SBF2: variants seen among roughly 807,000 people sequenced by gnomAD.
The protein encoded by SBF2 is SET binding factor 2.
Under a neutral mutation model 225.2 loss-of-function variants are expected in SBF2, and 112 were observed. The ratio of observed to expected loss-of-function variants is 0.50; its 90% CI spans 0.43 to 0.58. The LOEUF (loss-of-function observed/expected upper bound fraction) is 0.58. Ranked by LOEUF, SBF2 falls within the 20% of genes least tolerant of loss-of-function variation. SBF2 has a pLI of 0.00. For synonymous variants in SBF2, 763 were observed against 773.3 expected, an observed-to-expected ratio of 0.99 and a Z score of 0.22; for missense variants, 1,996 against 2,206.2, an observed-to-expected ratio of 0.90 and a Z score of 1.91.
intron 16 of SBF2, among the ~76,000 whole-genome samples, chr11:9,932,412 A>G (rs937129727): frequency 6.6e-6 from 1 of 152,246 alleles, no homozygotes; most frequent in African/African-American, 2.4e-5. Flanking sequence ...AGGGAAGCCC[A>G]TCAGACTAAC....
chr11:10,197,704 T>C (rs1957429156), intron 1 of SBF2, among the ~76,000 whole-genome samples: 1 of 152,246 alleles, frequency 6.6e-6, no homozygotes, highest in Admixed American at 6.5e-5. Flanking sequence ...ACAGCACAAC[T>C]TCTCTCAAAA....
chr11:9,804,231 A>G (rs1476275808), intron 32 of SBF2, among the ~76,000 whole-genome samples: 1 of 152,196 alleles, frequency 6.6e-6, no homozygotes, highest in East Asian at 1.9e-4. Flanking sequence ...CATGGAAAAA[A>G]CGAAAAGCCT....
chr11:10,236,757 CAGACTCG>C (rs1269799177), intron 1 of SBF2, among the ~76,000 whole-genome samples: 1 of 152,158 alleles, frequency 6.6e-6, no homozygotes, highest in African/African-American at 2.4e-5. Flanking sequence ...TCACCACGCC[CAGACTCG>C]AGTCTGTCTC....
At chr11:9,879,655 T>C (rs1490051690) in intron 17 of SBF2, among the ~76,000 whole-genome samples, 1 of 152,206 alleles carries the variant, frequency 6.6e-6, no homozygotes, top group African/African-American at 2.4e-5. Context: ...CTGTCTTTCA[T>C]TCAACAAATA....
At chr11:10,065,201 G>A (rs896447315) in intron 2 of SBF2, among the ~76,000 whole-genome samples, 6 of 151,972 alleles carry the variant, frequency 3.9e-5, no homozygotes, top group African/African-American at 1.4e-4. Flanking sequence ...AAGAAAAAAT[G>A]GAAATTATTC....
intron 17 of SBF2, among the ~76,000 whole-genome samples, chr11:9,864,950 C>T (rs1369780843): frequency 6.6e-6 from 1 of 151,644 alleles, no homozygotes; most frequent in African/African-American, 2.4e-5. Flanking sequence ...TCACCTGCTG[C>T]CCAGGCTACA....
intron 2 of SBF2, among the ~76,000 whole-genome samples, chr11:10,079,838 A>G (rs1261742994): frequency 1.3e-5 from 2 of 152,182 alleles, no homozygotes; most frequent in Non-Finnish European, 2.9e-5. Flanking sequence ...TAAAATCAGC[A>G]AGAGTAAAGC....
intron 1 of SBF2, among the ~76,000 whole-genome samples, chr11:10,220,895 T>C (rs1318995679): frequency 6.6e-6 from 1 of 152,160 alleles, no homozygotes; most frequent in Non-Finnish European, 1.5e-5. Flanking sequence ...GAAAGCCCTT[T>C]ATTTAATTCC....
At chr11:9,908,648 T>C (rs1862312901) in intron 16 of SBF2, among the ~76,000 whole-genome samples, 1 of 151,580 alleles carries the variant, frequency 6.6e-6, no homozygotes, top group South Asian at 2.1e-4. Context: ...GTCTTATCTT[T>C]ATTTAAATTT....
At chr11:10,249,713 CCATA>C (rs1367246462) in intron 1 of SBF2, among the ~76,000 whole-genome samples, 1 of 147,354 alleles carries the variant, frequency 6.8e-6, no homozygotes, top group African/African-American at 2.5e-5. Context: ...ATGGGGGAGT[CCATA>C]GCATTGGAAT....
intron 6 of SBF2, among the ~76,000 whole-genome samples, chr11:10,020,386 T>G (rs1321906192): frequency 2.0e-5 from 3 of 152,118 alleles, no homozygotes; most frequent in African/African-American, 7.2e-5. Flanking sequence ...CCACTGTGTA[T>G]GCAGAGAGCC....
At chr11:10,086,915 C>T (rs1391587807) in intron 2 of SBF2, among the ~76,000 whole-genome samples, 1 of 152,120 alleles carries the variant, frequency 6.6e-6, no homozygotes, top group Non-Finnish European at 1.5e-5. Context: ...GAATTAAGAC[C>T]ACCCTCCAAA....
chr11:9,929,647 T>C (rs779083798), intron 16 of SBF2, among the ~76,000 whole-genome samples: 1 of 152,182 alleles, frequency 6.6e-6, no homozygotes, highest in East Asian at 1.9e-4. Context: ...TGACAATGCA[T>C]GTCACACAAC....
At chr11:9,814,832 A>G (rs1854370196) in intron 29 of SBF2, among the ~76,000 whole-genome samples, 1 of 152,146 alleles carries the variant, frequency 6.6e-6, no homozygotes, top group African/African-American at 2.4e-5. Context: ...GTATTGAGAC[A>G]CTCCATTAGG....
At chr11:10,131,774 T>C (rs931147858) in intron 2 of SBF2, among the ~76,000 whole-genome samples, 1 of 152,180 alleles carries the variant, frequency 6.6e-6, no homozygotes, top group Non-Finnish European at 1.5e-5. Flanking sequence ...TATACAAGTC[T>C]TTTGTCAGGT....
At chr11:10,138,366 T>C (rs1181461505) in intron 2 of SBF2, among the ~76,000 whole-genome samples, 7 of 152,206 alleles carry the variant, frequency 4.6e-5, no homozygotes, top group Non-Finnish European at 7.3e-5. Context: ...GAACATTTTG[T>C]CTATTTGTTC....
intron 13 of SBF2, among the ~76,000 whole-genome samples, chr11:9,986,055 T>G (rs1405767231): frequency 6.6e-6 from 1 of 152,062 alleles, no homozygotes; most frequent in East Asian, 1.9e-4. Flanking sequence ...CTCAATAAAT[T>G]TAAGAAAACT....
chr11:9,833,623 T>C (rs1855545145), intron 26 of SBF2, among the ~76,000 whole-genome samples: 1 of 152,082 alleles, frequency 6.6e-6, no homozygotes, highest in Admixed American at 6.5e-5. Flanking sequence ...GGTTTCACCG[T>C]GTTAGCCAGG....
chr11:10,244,338 A>T (rs1417211469), intron 1 of SBF2, among the ~76,000 whole-genome samples: 3 of 152,116 alleles, frequency 2.0e-5, no homozygotes, highest in African/African-American at 7.2e-5. Flanking sequence ...TTGCATATGG[A>T]TATCCAGTTT....
Sources: allele counts gnomAD v4.1 joint callset (sites outside exome capture counted in the v4.1 genomes callset), GRCh38; gene constraint gnomAD v4.1.1; transcripts MANE v1.5; gene names NCBI Gene and HGNC (gene_info 2026-07-23, HGNC 2026-07-21).